TMEM132C: variants seen among roughly 807,000 people sequenced by gnomAD.
TMEM132C encodes transmembrane protein 132C, also known as protein phosphatase 1, regulatory subunit 152.
TMEM132C carries 29 observed loss-of-function variants against 61.4 expected under a neutral mutation model. The observed-to-expected ratio is 0.47, with a 90% CI of 0.35 to 0.64. TMEM132C has a LOEUF of 0.64. TMEM132C is among the 30% of genes least tolerant of loss of function. TMEM132C has a pLI of 0.00. For synonymous variants in TMEM132C, 656 were observed against 633.1 expected (o/e 1.04, Z -0.54); for missense variants, 1,408 against 1,476.9 (o/e 0.95, Z 0.76).
chr12:128,543,434 C>T lies in TMEM132C; in HGVS notation c.975-523C>T, dbSNP rs149325851. 9.7e-4 allele frequency among the ~76,000 whole-genome samples: 148 copies of T among 152,222 alleles called. No homozygotes were observed. In the East Asian group the frequency reaches 0.024, roughly 25 times the overall value. ...TGAAACTGGGGTATGAACCCAGGAC[C>T]GGCTTTCCTAGTAGTATTGACACTG... On this transcript the variant is annotated intron_variant, in intron 2 of 8. Coordinates refer to ENST00000435159, the MANE Select transcript of TMEM132C (RefSeq NM_001136103.3).
At chr12:128,483,488 G>A (rs961483778) in intron 2 of TMEM132C, among the ~76,000 whole-genome samples, 6 of 152,032 alleles carry the variant, frequency 3.9e-5, no homozygotes, top group Non-Finnish European at 8.8e-5. Context: ...TTCTGGGTTC[G>A]TCTTCTTGCT....
chr12:128,638,549 T>A (rs192991443), intron 4 of TMEM132C, among the ~76,000 whole-genome samples: 1 of 152,368 alleles, frequency 6.6e-6, no homozygotes, highest in Non-Finnish European at 1.5e-5. Context: ...TCTGAACCTA[T>A]ATTATCTTCA....
intron 3 of TMEM132C, among the ~76,000 whole-genome samples, chr12:128,588,494 C>G (rs935359280): frequency 6.6e-6 from 1 of 152,052 alleles, no homozygotes. Context: ...TTCATTCATC[C>G]GTTCTTTTGT....
chr12:128,425,723 T>C (rs945271497), intron 2 of TMEM132C, among the ~76,000 whole-genome samples: 5 of 152,202 alleles, frequency 3.3e-5, no homozygotes, highest in African/African-American at 7.2e-5. Context: ...TCGATGGTCC[T>C]TGGCTTGTGG....
chr12:128,413,845 A>T (rs1377197159), intron 1 of TMEM132C, among the ~76,000 whole-genome samples: 1 of 152,036 alleles, frequency 6.6e-6, no homozygotes, highest in Non-Finnish European at 1.5e-5. Flanking sequence ...TGTAATGCAA[A>T]TTTTTTAATT....
intron 2 of TMEM132C, among the ~76,000 whole-genome samples, chr12:128,527,731 G>GTA (rs1873137642): frequency 6.6e-6 from 1 of 151,930 alleles, no homozygotes; most frequent in South Asian, 2.1e-4. Flanking sequence ...GTGTGTGTGT[G>GTA]TGTTACATCC....
At position 128,491,373 on chromosome 12, in the gene TMEM132C, C is replaced by T. The variant is rs533409091; in HGVS notation, c.975-52584C>T. On this transcript the variant is annotated intron_variant, in intron 2 of 8. Transcript: ENST00000435159. ...TTGATTCTGTCCATGAATTTTGCTT[C>T]CGGCGGCCCTGCCTTGGTCAGCACG... Among the ~76,000 whole-genome samples, 233 of 152,264 alleles carry T rather than the reference C, an allele frequency of 1.5e-3. 2 individuals are homozygous for T. The Middle Eastern group carries it at 0.024, about 16-fold the overall frequency.
At chr12:128,604,705 CTAGA>C (rs200879156) in intron 3 of TMEM132C, among the ~76,000 whole-genome samples, 1,938 of 149,956 alleles carry the variant, frequency 0.013, 35 homozygotes, top group African/African-American at 0.045. Flanking sequence ...TAATAGATGG[CTAGA>C]TAGATAAATA....
At chr12:128,513,756 C>A (rs1324102061) in intron 2 of TMEM132C, among the ~76,000 whole-genome samples, 1 of 152,196 alleles carries the variant, frequency 6.6e-6, no homozygotes, top group African/African-American at 2.4e-5. Context: ...GCTATGAGGA[C>A]TTTTCCTTTA....
intron 1 of TMEM132C, among the ~76,000 whole-genome samples, chr12:128,408,785 G>A (rs1868408768): frequency 6.6e-6 from 1 of 152,220 alleles, no homozygotes; most frequent in African/African-American, 2.4e-5. Flanking sequence ...GCTGAGAACA[G>A]GAGAGAATGT....
At chr12:128,460,599 A>G (rs1447459351) in intron 2 of TMEM132C, among the ~76,000 whole-genome samples, 4 of 152,158 alleles carry the variant, frequency 2.6e-5, no homozygotes, top group Admixed American at 1.3e-4. Context: ...CTGAGTAGCA[A>G]TGGCTACCCA....
At chr12:128,535,085 G>A (rs934980300) in intron 2 of TMEM132C, among the ~76,000 whole-genome samples, 3 of 152,172 alleles carry the variant, frequency 2.0e-5, no homozygotes, top group African/African-American at 7.2e-5. Flanking sequence ...GGGGCAATGG[G>A]GACTTTCCCA....
intron 2 of TMEM132C, among the ~76,000 whole-genome samples, chr12:128,536,245 C>T (rs1251863083): frequency 6.6e-6 from 1 of 152,182 alleles, no homozygotes; most frequent in African/African-American, 2.4e-5. Context: ...TTTGCAGGGA[C>T]ATAGATGATG....
At chr12:128,521,317 ATATGTGTGTGTGTG>A (rs1872897838) in intron 2 of TMEM132C, among the ~76,000 whole-genome samples, 1 of 146,196 alleles carries the variant, frequency 6.8e-6, no homozygotes, top group East Asian at 2.1e-4. Flanking sequence ...GTATATATAT[ATATGTGTGTGTGTG>A]TGTGTGTGTG....
chr12:128,563,150 A>G (rs1017998887), intron 3 of TMEM132C, among the ~76,000 whole-genome samples: 4 of 152,262 alleles, frequency 2.6e-5, no homozygotes, highest in African/African-American at 9.6e-5. Flanking sequence ...CTGGTGAACC[A>G]TGTGCCATGC....
rs142210718 is a variant in TMEM132C, at chr12:128,524,072, G to A, written c.975-19885G>A. Among the ~76,000 whole-genome samples the A allele has an allele frequency of 8.8e-4, 133 of 150,716 alleles. 2 individuals carry two copies. Among genetic ancestry groups the A allele is most frequent in the Non-Finnish European group, 1.5e-3 (101 of 67,874 alleles). ...GTGGTGCATTTCTGAACCAATTTCC[G>A]TGGCCAGGGTGATGTGATTCTTTTG... On this transcript the variant is annotated intron_variant, in intron 2 of 8. Coordinates refer to ENST00000435159, the MANE Select transcript of TMEM132C (RefSeq NM_001136103.3).
intron 1 of TMEM132C, among the ~76,000 whole-genome samples, chr12:128,292,209 G>A (rs1871267022): frequency 7.9e-5 from 12 of 152,020 alleles, no homozygotes; most frequent in Admixed American, 7.9e-4. Flanking sequence ...TTTTTCTTAT[G>A]CACATTCAAG....
At chr12:128,420,187 ACT>A (rs986953527) in intron 2 of TMEM132C, among the ~76,000 whole-genome samples, 11 of 152,088 alleles carry the variant, frequency 7.2e-5, no homozygotes, top group African/African-American at 2.4e-4. Context: ...CAAGAGTGAC[ACT>A]CTGTCTCAAA....
At chr12:128,663,261 C>T (rs1197453134) in intron 4 of TMEM132C, among the ~76,000 whole-genome samples, 2 of 152,216 alleles carry the variant, frequency 1.3e-5, no homozygotes, top group African/African-American at 2.4e-5. Flanking sequence ...CCCATCCCTG[C>T]AGCGCCTGAC....
Sources: gnomAD v4.1 joint callset for allele counts (sites outside exome capture counted in the v4.1 genomes callset) on GRCh38, gnomAD v4.1.1 for gene constraint, MANE v1.5 for transcripts, NCBI Gene and HGNC (gene_info 2026-07-23, HGNC 2026-07-21) for gene names.